GMCL1: variants seen among roughly 807,000 people sequenced by gnomAD.
GMCL1 encodes the protein germ cell-less 1, spermatogenesis associated, also known as germ cell-less protein-like 1.
Under a neutral mutation model 75.5 loss-of-function variants are expected in GMCL1, and 54 were observed. The ratio of observed to expected loss-of-function variants is 0.71; its 90% confidence interval spans 0.57 to 0.90. GMCL1 has a LOEUF of 0.90. GMCL1 is among the 40% of genes least tolerant of loss of function. The pLI is 0.00. For synonymous variants in GMCL1, 210 were observed against 209.6 expected (o/e 1.00, Z -0.02); for missense variants, 537 against 622.7 (o/e 0.86, Z 1.47).
At chr2:69,866,217 C>T (rs1488104814) in intron 11 of GMCL1, among the ~76,000 whole-genome samples, 1 of 149,828 alleles carries the variant, frequency 6.7e-6, no homozygotes, top group East Asian at 2.0e-4. Context: ...CACTGCACTT[C>T]AGCCTGGTGA....
At chr2:69,831,210 C>T (rs1674661358) in intron 1 of GMCL1, among the ~76,000 whole-genome samples, 1 of 152,128 alleles carries the variant, frequency 6.6e-6, no homozygotes, top group Non-Finnish European at 1.5e-5. Context: ...TGAGCCACTG[C>T]GCACCCGGCC....
intron 1 of GMCL1, among the ~76,000 whole-genome samples, chr2:69,835,125 T>A (rs1175284315): frequency 6.6e-6 from 1 of 152,120 alleles, no homozygotes; most frequent in Non-Finnish European, 1.5e-5. Context: ...TGGAAATAGA[T>A]CTATTTACTC....
intron 11 of GMCL1, 23 bp downstream of exon 11, chr2:69,864,998 A>G: frequency 1.9e-6 from 3 of 1,548,846 alleles, no homozygotes; most frequent in South Asian, 1.1e-5. Context: ...TGTGACTGTT[A>G]ATATTCTTAT....
intron 8 of GMCL1, among the ~76,000 whole-genome samples, chr2:69,852,702 C>G (rs1675353689): frequency 6.6e-6 from 1 of 152,066 alleles, no homozygotes; most frequent in South Asian, 2.1e-4. Context: ...CCACACCCAG[C>G]TAATATTTTG....
chr2:69,840,857 G>A, intron 3 of GMCL1, 85 bp from the exon 4 acceptor site: 1 of 827,754 alleles, frequency 1.2e-6, no homozygotes, highest in Non-Finnish European at 1.9e-6. Flanking sequence ...GTCTTTGTGT[G>A]TGAAGACAGT....
chr2:69,852,541 TG>T (rs1558543339), intron 8 of GMCL1, among the ~76,000 whole-genome samples: 9 of 137,654 alleles, frequency 6.5e-5, no homozygotes, highest in African/African-American at 2.7e-4. Flanking sequence ...TATGTCTGTC[TG>T]TCTTTTTTTT....
chr2:69,836,459 T>C (rs577241424), intron 1 of GMCL1, among the ~76,000 whole-genome samples: 1 of 152,330 alleles, frequency 6.6e-6, no homozygotes, highest in Admixed American at 6.5e-5. Context: ...TGGATACTAT[T>C]AATGTCCTCT....
chr2:69,841,968 A>G (rs754623555), intron 4 of GMCL1, among the ~76,000 whole-genome samples: 1 of 152,362 alleles, frequency 6.6e-6, no homozygotes, highest in South Asian at 2.1e-4. Context: ...ATGAAAATAC[A>G]TCTATACATT....
In GMCL1 at chr2:69,867,843, T is replaced by C. The variant is rs534460621; in HGVS notation, c.1219-1876T>C. ...GATCTGTCTGCATTTTCCTAGTGAA[T>C]TGATCCTCCCATTAGCTGAGGTAAC... On this transcript the variant is annotated intron_variant, in intron 11 of 13. Transcript: ENST00000282570. 1.9e-4 allele frequency among the ~76,000 whole-genome samples: 29 copies of C among 152,302 alleles called. No homozygotes were observed. The South Asian group carries it at 5.8e-3, about 30-fold the overall frequency.
At chr2:69,858,219 T>C (rs377192698) in intron 9 of GMCL1, among the ~76,000 whole-genome samples, 6 of 152,208 alleles carry the variant, frequency 3.9e-5, no homozygotes, top group African/African-American at 1.4e-4. Flanking sequence ...CTTGCCATGT[T>C]ACCCAGGCTG....
chr2:69,870,855 G>GA (rs1171718311), intron 12 of GMCL1, among the ~76,000 whole-genome samples: 5 of 151,830 alleles, frequency 3.3e-5, no homozygotes, highest in African/African-American at 7.2e-5. Flanking sequence ...AAACAGAATA[G>GA]AAAAAAAACA....
At chr2:69,847,661 G>C in intron 7 of GMCL1, 34 bp downstream of exon 7, 2 of 1,297,248 alleles carry the variant, frequency 1.5e-6, no homozygotes, top group Non-Finnish European at 2.2e-6. Flanking sequence ...ATTATACAAG[G>C]ATGTCACCTC....
At chr2:69,854,506 G>A (rs1558544319) in intron 8 of GMCL1, among the ~76,000 whole-genome samples, 1 of 152,104 alleles carries the variant, frequency 6.6e-6, no homozygotes, top group Non-Finnish European at 1.5e-5. Context: ...GGATTCTGGC[G>A]AGAATGTGTA....
Position 69,869,784 on chromosome 2 carries a change from C to A in GMCL1, c.1284C>A (p.Tyr428Ter). The change falls in exon 12 of 14, where the codon TAC (tyrosine) becomes TAA (stop). Residue 428 changes from tyrosine to a stop codon, truncating the protein, a stop_gained. Transcript: ENST00000282570. LOFTEE classifies it high-confidence loss of function. ...FDLLVTYTNR[Y>*]IIFKRNTLNQ... ...TACTTGTAACTTACACCAATCGATA[C>A]ATCATTTTCAAACGCAATACACTGA... 1.9e-6 allele frequency: 3 copies of A among 1,614,008 alleles called. No individual in the cohort carries two copies. Among genetic ancestry groups the A allele is most frequent in the Non-Finnish European group, 2.5e-6 (3 of 1,179,980 alleles).
At position 69,854,870 on chromosome 2, in the gene GMCL1, G is replaced by C. The variant is rs1235549527; in HGVS notation, c.982G>C (p.Val328Leu). ...TGAAACTGAACAAGGAAAACCATTTGTGTCAGTATTCAGACATTTAAGGTT... is the reference window on the plus strand; with the variant it reads ...TGAAACTGAACAAGGAAAACCATTTCTGTCAGTATTCAGACATTTAAGGTT... Reference protein sequence around the residue: ...FLETEQGKPFVSVFRHLRLQY... With the variant: ...FLETEQGKPFLSVFRHLRLQY... Residue 328 changes from valine to leucine, a missense_variant, in exon 9 of 14, where the codon GTG (valine) becomes CTG (leucine). Physicochemically the swap from Val to Leu is conservative, Grantham distance 32. This residue lies in a region of GMCL1 where 345 missense variants were observed against 410.5 expected (regional missense o/e 0.84). Transcript: ENST00000282570. The C allele has an allele frequency of 4.3e-6, 7 of 1,610,158 alleles. No individual in the cohort carries two copies. In the East Asian group the frequency reaches 1.6e-4, roughly 36 times the overall value.
intron 1 of GMCL1, 105 bp downstream of exon 1, chr2:69,830,257 GGA>G (rs906689878): frequency 1.0e-5 from 14 of 1,382,840 alleles, no homozygotes; most frequent in Non-Finnish European, 1.3e-5. Flanking sequence ...CCCAGCCTAT[GGA>G]GAGGGGACGT....
At chr2:69,869,173 C>T (rs1251931414) in intron 11 of GMCL1, among the ~76,000 whole-genome samples, 5 of 150,724 alleles carry the variant, frequency 3.3e-5, no homozygotes, top group Admixed American at 2.0e-4. Flanking sequence ...CGCTTGAACC[C>T]GGGAGGTGGA....
At position 69,880,813 on chromosome 2, in the gene GMCL1, A is replaced by G. The variant is rs1311178078; in HGVS notation, c.*1809A>G. 1 of 144,992 alleles carries G rather than the reference A, an allele frequency of 6.9e-6. No individual in the cohort carries two copies. The highest frequency in any genetic ancestry group is 1.5e-5 in the Non-Finnish European group (1 of 67,350). The allele number at this position is 144,992 out of a possible 1,614,324, so 9.0% of individuals were successfully genotyped here. A position where few individuals can be genotyped will look rare whatever the true frequency, so the allele number is the denominator to read the frequency against. ...CAGTGAGTGGAGATTGCGCCATTGC[A>G]CTCCAACCTAGGCGACAGAGTGAGA... On this transcript the variant is annotated 3_prime_UTR_variant, in exon 14 of 14. Transcript: ENST00000282570.
chr2:69,833,491 C>A (rs1035223207), intron 1 of GMCL1, among the ~76,000 whole-genome samples: 1 of 152,172 alleles, frequency 6.6e-6, no homozygotes, highest in Non-Finnish European at 1.5e-5. Flanking sequence ...TGGTGCACGC[C>A]TGTATTCCTA....
Sources: gnomAD v4.1 joint callset for allele counts (sites outside exome capture counted in the v4.1 genomes callset) on GRCh38, gnomAD v4.1.1 for gene constraint, gnomAD v4.1.1 regional missense constraint, MANE v1.5 for transcripts, NCBI Gene and HGNC (gene_info 2026-07-23, HGNC 2026-07-21) for gene names.